CDH9: variants seen among roughly 807,000 people sequenced by gnomAD.
CDH9 encodes the protein cadherin 9, also known as cadherin-9.
Under a neutral mutation model 70.9 loss-of-function variants are expected in CDH9, and 28 were observed. That is an observed-to-expected ratio of 0.40 (90% confidence interval 0.29 to 0.54). The LOEUF (loss-of-function observed/expected upper bound fraction) is 0.54. Among genes scored for constraint, CDH9 ranks in the 20% least tolerant of loss-of-function variants. The pLI, the probability that CDH9 is intolerant of heterozygous loss-of-function variation, is 0.59. For missense variants in CDH9, 874 were observed against 984.4 expected (o/e 0.89, Z 1.50); for synonymous variants, 409 against 343.1 (o/e 1.19, Z -2.12).
chr5:27,012,501 A>T (rs1742976010), intron 1 of CDH9, among the ~76,000 whole-genome samples: 1 of 152,000 alleles, frequency 6.6e-6, no homozygotes, highest in African/African-American at 2.4e-5. Flanking sequence ...CAATAATAAA[A>T]ATTTCTTGGC....
At chr5:26,946,858 C>T (rs1485157945) in intron 2 of CDH9, among the ~76,000 whole-genome samples, 1 of 152,120 alleles carries the variant, frequency 6.6e-6, no homozygotes, top group African/African-American at 2.4e-5. Flanking sequence ...GAATCCTCAG[C>T]TTATTCTATC....
intron 1 of CDH9, among the ~76,000 whole-genome samples, chr5:27,002,247 C>T (rs1437745683): frequency 2.6e-5 from 4 of 151,970 alleles, no homozygotes; most frequent in South Asian, 2.1e-4. Flanking sequence ...GTTAGAATGG[C>T]GATCATTAAA....
intron 3 of CDH9, among the ~76,000 whole-genome samples, chr5:26,907,208 T>A (rs574371606): frequency 6.6e-6 from 1 of 152,164 alleles, no homozygotes; most frequent in Non-Finnish European, 1.5e-5. Flanking sequence ...TGGAAACATG[T>A]ATTTAAAAGA....
At chr5:26,938,632 G>A (rs1033255192) in intron 2 of CDH9, among the ~76,000 whole-genome samples, 1 of 151,966 alleles carries the variant, frequency 6.6e-6, no homozygotes. Flanking sequence ...TTCGGCATTT[G>A]CACATATATG....
intron 5 of CDH9, 25 bp downstream of exon 5, chr5:26,905,934 A>T (rs1010336634): frequency 3.8e-6 from 6 of 1,592,636 alleles, no homozygotes; most frequent in Non-Finnish European, 5.2e-6. Context: ...GTTTTTGGAC[A>T]TGAGATCACT....
chr5:26,946,067 T>C (rs761428865), intron 2 of CDH9, among the ~76,000 whole-genome samples: 2 of 152,156 alleles, frequency 1.3e-5, no homozygotes, highest in Non-Finnish European at 2.9e-5. Flanking sequence ...CTATGAGTAA[T>C]GGGATATGGC....
intron 2 of CDH9, among the ~76,000 whole-genome samples, chr5:26,973,071 C>G (rs1430365203): frequency 6.6e-6 from 1 of 152,076 alleles, no homozygotes; most frequent in African/African-American, 2.4e-5. Flanking sequence ...ACCATGTTGA[C>G]CAGGCTGGTC....
intron 2 of CDH9, among the ~76,000 whole-genome samples, chr5:26,958,525 GCAGTAATAT>G (rs764231848): frequency 1.3e-5 from 2 of 152,062 alleles, no homozygotes; most frequent in Non-Finnish European, 2.9e-5. Flanking sequence ...AGAAGAAGTG[GCAGTAATAT>G]CAGTTATAGA....
intron 1 of CDH9, among the ~76,000 whole-genome samples, chr5:26,994,450 G>T (rs1470420749): frequency 6.6e-6 from 1 of 152,138 alleles, no homozygotes; most frequent in Non-Finnish European, 1.5e-5. Flanking sequence ...CATGAGAGTG[G>T]AGTCTCTAAT....
intron 1 of CDH9, among the ~76,000 whole-genome samples, chr5:26,994,682 C>T (rs781779325): frequency 9.2e-5 from 14 of 152,124 alleles, no homozygotes; most frequent in Non-Finnish European, 2.1e-4. Flanking sequence ...TTGGATTCCC[C>T]AGTTTCCAGA....
intron 8 of CDH9, 123 bp from the exon 9 acceptor site, chr5:26,890,080 A>C (rs1227515902): frequency 6.0e-6 from 5 of 833,254 alleles, no homozygotes; most frequent in African/African-American, 3.5e-5. Flanking sequence ...TGGGCTGCTG[A>C]TGAATATCTC....
intron 1 of CDH9, among the ~76,000 whole-genome samples, chr5:27,011,037 C>T (rs899149259): frequency 1.3e-5 from 2 of 152,010 alleles, no homozygotes; most frequent in African/African-American, 2.4e-5. Flanking sequence ...ACAGGTGAGA[C>T]ACATTCACTT....
intron 2 of CDH9, among the ~76,000 whole-genome samples, chr5:26,919,330 C>G (rs542700388): frequency 6.6e-6 from 1 of 152,072 alleles, no homozygotes; most frequent in Non-Finnish European, 1.5e-5. Context: ...TGGAAAGCAA[C>G]TTAGGGTAGA....
In CDH9 at chr5:26,988,337, C is replaced by T. The variant is rs375924647; in HGVS notation, c.-4G>A. 9.3e-6 allele frequency: 15 copies of T among 1,604,466 alleles called. No individual in the cohort carries two copies. Among genetic ancestry groups the T allele is most frequent in the East Asian group, 6.7e-5 (3 of 44,698 alleles). ...GTATATAATGGTAAGTCCTCATTAT[C>T]TGCAACTTCAGTGGGTTGTCAAATT... On this transcript the variant is annotated 5_prime_UTR_variant, in exon 2 of 12. Coordinates refer to ENST00000231021, the MANE Select transcript of CDH9 (RefSeq NM_016279.4).
intron 2 of CDH9, among the ~76,000 whole-genome samples, chr5:26,976,919 T>C (rs570549062): frequency 2.0e-5 from 3 of 152,058 alleles, no homozygotes; most frequent in Admixed American, 6.5e-5. Flanking sequence ...GTATTATATT[T>C]ACTAAAATTA....
At chr5:26,958,534 T>A (rs1329060589) in intron 2 of CDH9, among the ~76,000 whole-genome samples, 1 of 152,096 alleles carries the variant, frequency 6.6e-6, no homozygotes, top group Non-Finnish European at 1.5e-5. Context: ...GGCAGTAATA[T>A]CAGTTATAGA....
At chr5:26,909,225 C>T (rs1297869378) in intron 3 of CDH9, among the ~76,000 whole-genome samples, 1 of 152,038 alleles carries the variant, frequency 6.6e-6, no homozygotes, top group African/African-American at 2.4e-5. Context: ...ACCTCATGAT[C>T]GCCCGCCTTG....
intron 1 of CDH9, among the ~76,000 whole-genome samples, chr5:27,033,785 C>T (rs951455624): frequency 3.8e-4 from 58 of 151,472 alleles, no homozygotes; most frequent in African/African-American, 1.4e-3. Flanking sequence ...AATACAAATA[C>T]ATTTTAGAGT....
intron 9 of CDH9, among the ~76,000 whole-genome samples, chr5:26,888,048 G>A (rs1375816481): frequency 1.3e-5 from 2 of 151,964 alleles, no homozygotes; most frequent in Non-Finnish European, 2.9e-5. Context: ...GCAGCCCTTG[G>A]AAACTAATAC....
Sources: allele counts gnomAD v4.1 joint callset (sites outside exome capture counted in the v4.1 genomes callset), GRCh38; gene constraint gnomAD v4.1.1; transcripts MANE v1.5; gene names NCBI Gene and HGNC (gene_info 2026-07-23, HGNC 2026-07-21).